Variants in ASMTL observed in about 807,000 individuals in gnomAD.
ASMTL encodes probable bifunctional dTTP/UTP pyrophosphatase/methyltransferase protein.
ASMTL carries 57 observed loss-of-function variants against 60.3 expected under a neutral mutation model. The ratio of observed to expected loss-of-function variants is 0.95; its 90% confidence interval spans 0.76 to 1.18. The LOEUF (loss-of-function observed/expected upper bound fraction) is 1.18, where lower values mean the gene tolerates loss of function less well. ASMTL is among the 50% of genes most tolerant of loss of function. The pLI is 0.00. For synonymous variants in ASMTL, 419 were observed against 373.0 expected, an observed-to-expected ratio of 1.12 and a Z score of -1.42; for missense variants, 981 against 852.6, an observed-to-expected ratio of 1.15 and a Z score of -1.88.
chrX:1,421,119 C>T (rs2090474115), intron 9 of ASMTL, among the ~76,000 whole-genome samples: 1 of 152,000 alleles, frequency 6.6e-6, no homozygotes, highest in South Asian at 2.1e-4. Context: ...GCCATCATCC[C>T]CAGCTAATTT....
At chrX:1,431,655 A>G (rs2090793003) in intron 6 of ASMTL, among the ~76,000 whole-genome samples, 1 of 146,912 alleles carries the variant, frequency 6.8e-6, no homozygotes, top group Non-Finnish European at 1.5e-5. Context: ...TAATTTGTAT[A>G]ATGTAGATTA....
chrX:1,416,606 C>T (rs758734215), intron 11 of ASMTL, among the ~76,000 whole-genome samples: 2 of 152,032 alleles, frequency 1.3e-5, no homozygotes, highest in African/African-American at 2.4e-5. Context: ...CATATACCCA[C>T]ACAGACGCAC....
chrX:1,431,102 T>C (rs2149321157), intron 6 of ASMTL, among the ~76,000 whole-genome samples: 1 of 125,330 alleles, frequency 8.0e-6, no homozygotes, highest in East Asian at 2.3e-4. Flanking sequence ...TATAAATATA[T>C]AATTATATTT....
At chrX:1,444,065 G>A (rs191562494) in intron 1 of ASMTL, among the ~76,000 whole-genome samples, 4,801 of 152,210 alleles carry the variant, frequency 0.032, 243 homozygotes, top group African/African-American at 0.11. Context: ...CATTCCAGCC[G>A]TGGGATAAAC....
In ASMTL at chrX:1,421,765, T is replaced by C. The variant is rs1242179113; in HGVS notation, c.1138A>G (p.Asn380Asp). 1.9e-6 allele frequency: 3 copies of C among 1,613,914 alleles called. No individual in the cohort carries two copies. In the Admixed American group the frequency reaches 5.0e-5, roughly 27 times the overall value. Reference sequence around the variant, plus strand: ...AAGAGGTTCCATGTGAGGTCATTATTGTGCATGATGAAGCCGTGCAGAGAG... The same window carrying C: ...AAGAGGTTCCATGTGAGGTCATTATCGTGCATGATGAAGCCGTGCAGAGAG... ...EYSLHGFIMH[N>D]NDLTWNLFTY... is the part of the protein sequence containing the mutation. The change falls in exon 9 of 13, where the codon AAT becomes GAT. Residue 380 changes from asparagine (N) to aspartate (D), a missense_variant. Transcript: ENST00000381317.
At chrX:1,412,921 C>G (rs1333487248) in intron 11 of ASMTL, 67 bp from the exon 12 acceptor site, 1 of 1,575,646 alleles carries the variant, frequency 6.3e-7, no homozygotes, top group Non-Finnish European at 8.7e-7. Context: ...CGGACAGATC[C>G]TGGGACGGCC....
intron 12 of ASMTL, 127 bp downstream of exon 12, chrX:1,412,605 C>T (rs780739183): frequency 3.0e-5 from 39 of 1,284,254 alleles, no homozygotes; most frequent in Middle Eastern, 2.2e-4. Flanking sequence ...TCAGGTGATC[C>T]GCCCGCCTCG....
intron 2 of ASMTL, among the ~76,000 whole-genome samples, chrX:1,441,256 G>C (rs1429050379): frequency 6.6e-6 from 1 of 151,546 alleles, no homozygotes; most frequent in East Asian, 2.0e-4. Context: ...CTATTATATT[G>C]ATTGCAAGAT....
chrX:1,429,340 A>G, intron 6 of ASMTL, among the ~76,000 whole-genome samples: 1 of 151,282 alleles, frequency 6.6e-6, no homozygotes, highest in East Asian at 1.9e-4. Flanking sequence ...TCAGCCTCCC[A>G]CGTAGCAGGG....
Position 1,418,001 on chromosome X carries a change from C to A in ASMTL, c.1494G>T (p.Pro498=). ...CTGCGAAGTGGATCTGCACTGCCTG[C>A]GGTCCGGGGGGTTGGAAGTGGGCGG... ...ELAAHFQPPG[P]QAVQIHFAAG... The change falls in exon 11 of 13, where the codon CCG becomes CCT. Residue 498 remains proline (P), a synonymous_variant. Transcript: ENST00000381317. 6.2e-7 allele frequency: 1 copy of A among 1,612,572 alleles called. No homozygotes were observed. Among genetic ancestry groups the A allele is most frequent in the Non-Finnish European group, 8.5e-7 (1 of 1,179,094 alleles).
Position 1,418,988 on chromosome X carries a change from C to T in ASMTL, c.1372G>A (p.Val458Met), listed in dbSNP as rs4503285. Residue 458 changes from valine (V) to methionine (M), a missense_variant, in exon 10 of 13, where the codon GTG becomes ATG. Physicochemically the swap from Val to Met is conservative, Grantham distance 21. Coordinates refer to ENST00000381317, the MANE Select transcript of ASMTL (RefSeq NM_004192.4). ...NLSRFSSACD[V>M]GGCTGALARE... ...TGGCGGGGGGGCCACCCACCTCCCA[C>T]GTCGCAGGCGGAGGAGAAGCGGGAC... is the stretch of plus-strand genomic sequence containing the variant. The T allele has an allele frequency of 0.26, 413,402 of 1,611,250 alleles. 54,077 individuals carry two copies. The highest frequency in any genetic ancestry group is 0.33 in the Admixed American group (19,613 of 59,956).
chrX:1,432,770 A>G (rs1307610012), intron 5 of ASMTL, among the ~76,000 whole-genome samples: 2 of 152,248 alleles, frequency 1.3e-5, no homozygotes, highest in African/African-American at 4.8e-5. Flanking sequence ...TGCAGGTTGC[A>G]GTGAGCCGAG....
At chrX:1,433,786 C>G (rs1488171425) in intron 5 of ASMTL, among the ~76,000 whole-genome samples, 1 of 151,828 alleles carries the variant, frequency 6.6e-6, no homozygotes, top group Non-Finnish European at 1.5e-5. Flanking sequence ...CATGGAGGCT[C>G]CATACATCCT....
intron 5 of ASMTL, among the ~76,000 whole-genome samples, chrX:1,433,515 A>AG (rs1270349891): frequency 6.7e-6 from 1 of 149,914 alleles, no homozygotes; most frequent in Non-Finnish European, 1.5e-5. Context: ...AAAAAAAAAA[A>AG]AAAAAAAATA....
chrX:1,453,147 C>T (rs1308244545), upstream of ASMTL, among the ~76,000 whole-genome samples: 1 of 142,544 alleles, frequency 7.0e-6, no homozygotes, highest in African/African-American at 2.5e-5. Context: ...GACCACGCCT[C>T]CATTGCCCTC....
chrX:1,407,568 T>C (rs1194033718), intron 12 of ASMTL, among the ~76,000 whole-genome samples: 2 of 151,942 alleles, frequency 1.3e-5, no homozygotes, highest in East Asian at 1.9e-4. Flanking sequence ...TAATAAATGA[T>C]AGACAGATGA....
In ASMTL at chrX:1,452,896, G is replaced by C. The variant is rs2091432192; in HGVS notation, c.-56C>G. 5 of 1,339,354 alleles carry C rather than the reference G, an allele frequency of 3.7e-6. No individual in the cohort carries two copies. The highest frequency in any genetic ancestry group is 4.0e-6 in the Non-Finnish European group (4 of 1,004,618). 83.0% of individuals were successfully genotyped at this position (1,339,354 alleles called of 1,614,324 possible). A position where few individuals can be genotyped will look rare whatever the true frequency, so the allele number is the denominator to read the frequency against. On this transcript the variant is annotated 5_prime_UTR_variant, in exon 1 of 13. Coordinates refer to ENST00000381317, the MANE Select transcript of ASMTL (RefSeq NM_004192.4). The stretch of plus-strand genomic sequence containing the variant: ...CTTCTGAGCCCGGAGCCCGCGGTGC[G>C]CGCAGCGCGGCTGCAAAAAAAACAG...
At chrX:1,405,563 A>G (rs1326203785) in intron 12 of ASMTL, among the ~76,000 whole-genome samples, 1 of 150,570 alleles carries the variant, frequency 6.6e-6, no homozygotes, top group East Asian at 2.0e-4. Context: ...GGATAGATGG[A>G]TGCATGCATG....
chrX:1,419,056 ATGCCGTG>A lies in ASMTL; in HGVS notation c.1297_1303del (p.His433Ter), dbSNP rs2090398828. ...CACCTGGCACGCAGTCAGCTTCGTC[ATGCCGTG>A]CATGGCCCGCATGAACCTCAGCCGC... On this transcript the variant is annotated frameshift_variant, in exon 10 of 13. Transcript: ENST00000381317. LOFTEE classifies it high-confidence loss of function. 6.2e-7 allele frequency: 1 copy of A among 1,611,384 alleles called. No individual in the cohort carries two copies. Among genetic ancestry groups the A allele is most frequent in the South Asian group, 1.1e-5 (1 of 90,888 alleles).
Sources: allele counts gnomAD v4.1 joint callset (sites outside exome capture counted in the v4.1 genomes callset), GRCh38; gene constraint gnomAD v4.1.1; transcripts MANE v1.5; gene names NCBI Gene and HGNC (gene_info 2026-07-23, HGNC 2026-07-21).